The following DOCK8 variants were observed in gnomAD, a reference collection of about 807,000 sequenced individuals.
DOCK8 encodes the protein dedicator of cytokinesis 8.
A neutral mutation model predicts 245.6 loss-of-function variants in DOCK8; 141 were observed. The ratio of observed to expected loss-of-function variants is 0.57; its 90% CI spans 0.50 to 0.66. DOCK8 has a LOEUF of 0.66. Ranked by LOEUF, DOCK8 falls within the 30% of genes least tolerant of loss-of-function variation. The pLI is 0.00. For missense variants in DOCK8, 2,965 were observed against 2,603.4 expected (o/e 1.14, Z -3.02); for synonymous variants, 1,168 against 970.2 (o/e 1.20, Z -3.79).
At chr9:291,384 C>G (rs1442944967) in intron 4 of DOCK8, among the ~76,000 whole-genome samples, 1 of 152,146 alleles carries the variant, frequency 6.6e-6, no homozygotes, top group Non-Finnish European at 1.5e-5. Context: ...GACAGATAAT[C>G]ATCATGAACA....
intron 9 of DOCK8, 35 bp downstream of exon 9, chr9:328,206 G>A (rs2050851434): frequency 1.3e-6 from 2 of 1,596,688 alleles, no homozygotes; most frequent in African/African-American, 1.3e-5. Flanking sequence ...CCAATCTGAT[G>A]TTTTCATTGC....
chr9:456,713 TAAA>T (rs910684868), intron 46 of DOCK8: 48 of 152,106 alleles, frequency 3.2e-4, no homozygotes, highest in African/African-American at 1.2e-3. Context: ...CCTGCAATAA[TAAA>T]AAACATCTCG....
Position 372,375 on chromosome 9 carries a change from A to G in DOCK8, c.2109+89A>G, listed in dbSNP as rs1397653950. Reference sequence around the variant, plus strand: ...ACTCACTTTCCATTCCCATGTGGCCATGGATGTTCATCATGTTCTCAGAGA... The same window carrying G: ...ACTCACTTTCCATTCCCATGTGGCCGTGGATGTTCATCATGTTCTCAGAGA... On this transcript the variant is annotated intron_variant, in intron 18 of 47. Coordinates refer to ENST00000432829, the MANE Select transcript of DOCK8 (RefSeq NM_203447.4). 1.5e-5 allele frequency: 15 copies of G among 1,020,570 alleles called. No individual in the cohort carries two copies. The African/African-American group carries it at 1.6e-4, about 11-fold the overall frequency. The allele number at this position is 1,020,570 out of a possible 1,614,324, so 63.2% of individuals were successfully genotyped here. A position where few individuals can be genotyped will look rare whatever the true frequency, so the allele number is the denominator to read the frequency against.
At chr9:261,236 TAAAAA>T (rs1200712309) in intron 1 of DOCK8, among the ~76,000 whole-genome samples, 1 of 152,198 alleles carries the variant, frequency 6.6e-6, no homozygotes, top group Non-Finnish European at 1.5e-5. Flanking sequence ...ATGCTCAAAA[TAAAAA>T]TAGAATAGCT....
intron 28 of DOCK8, among the ~76,000 whole-genome samples, chr9:412,570 A>G (rs186059075): frequency 3.3e-4 from 51 of 152,318 alleles, no homozygotes; most frequent in African/African-American, 7.5e-4. Context: ...GCAGTGTTGC[A>G]TGGTATAAGA....
rs774151864 is a variant in DOCK8, at chr9:371,500, C to T, written c.1941C>T (p.Phe647=). ...AKLTVNHHLL[F]TFYHISCQQK... ...TCACAGTAAATCACCACCTCCTGTT[C>T]ACCTTCTACCATATCAGCTGTCAGC... is the stretch of plus-strand genomic sequence containing the variant. The change falls in exon 17 of 48, where the codon TTC becomes TTT. Residue 647 remains phenylalanine (F), a synonymous_variant. Transcript: ENST00000432829. 30 of 1,614,100 alleles carry T rather than the reference C, an allele frequency of 1.9e-5. No homozygotes were observed. The highest frequency in any genetic ancestry group is 2.4e-5 in the Non-Finnish European group (28 of 1,180,032).
intron 1 of DOCK8, among the ~76,000 whole-genome samples, chr9:232,688 G>T (rs1173928972): frequency 1.3e-5 from 2 of 152,166 alleles, no homozygotes; most frequent in Non-Finnish European, 2.9e-5. Context: ...TTGCAAAGAG[G>T]TGTTTATAGT....
At chr9:409,991 T>TGCC (rs1360965647) in intron 28 of DOCK8, among the ~76,000 whole-genome samples, 1 of 152,180 alleles carries the variant, frequency 6.6e-6, no homozygotes, top group East Asian at 1.9e-4. Context: ...TTGTGAATAG[T>TGCC]GCCGCAATAA....
chr9:215,347 G>A (rs1308781708), intron 1 of DOCK8: 5 of 1,601,672 alleles, frequency 3.1e-6, no homozygotes, highest in African/African-American at 2.7e-5. Flanking sequence ...GTCCCAGAAG[G>A]GTGATAGGCG....
At chr9:393,974 A>G (rs531776057) in intron 24 of DOCK8, among the ~76,000 whole-genome samples, 11 of 152,334 alleles carry the variant, frequency 7.2e-5, no homozygotes, top group African/African-American at 2.4e-4. Flanking sequence ...TCAAGAGTAT[A>G]GCAGAGTAAC....
intron 1 of DOCK8, chr9:220,682 A>G: frequency 5.1e-6 from 2 of 388,442 alleles, no homozygotes; most frequent in African/African-American, 2.2e-5. Flanking sequence ...GGAATGTGCT[A>G]CTGCTGTTCC....
At chr9:364,375 G>GT (rs1183766996) in intron 14 of DOCK8, among the ~76,000 whole-genome samples, 1 of 152,184 alleles carries the variant, frequency 6.6e-6, no homozygotes, top group East Asian at 1.9e-4. Flanking sequence ...ACTTGTGCCT[G>GT]TAATTCCAGC....
intron 28 of DOCK8, among the ~76,000 whole-genome samples, chr9:413,718 G>A (rs529052667): frequency 9.9e-5 from 15 of 152,278 alleles, no homozygotes; most frequent in South Asian, 8.3e-4. Flanking sequence ...TGATACCCAC[G>A]AAGATGGATA....
At chr9:289,643 A>G in intron 4 of DOCK8, 62 bp downstream of exon 4, 2 of 1,394,632 alleles carry the variant, frequency 1.4e-6, no homozygotes, top group Non-Finnish European at 2.0e-6. Flanking sequence ...TAGTTTTTAA[A>G]TATTTCTTAA....
At chr9:441,006 T>A (rs2057077987) in intron 40 of DOCK8, among the ~76,000 whole-genome samples, 1 of 152,186 alleles carries the variant, frequency 6.6e-6, no homozygotes, top group Non-Finnish European at 1.5e-5. Flanking sequence ...AGTGCTGGGA[T>A]TACAGGCATG....
intron 1 of DOCK8, among the ~76,000 whole-genome samples, chr9:253,226 C>G (rs2047692127): frequency 6.6e-6 from 1 of 152,148 alleles, no homozygotes; most frequent in African/African-American, 2.4e-5. Context: ...AGGAATATCA[C>G]ACTGTACTAA....
At chr9:261,524 T>G (rs2047917835) in intron 1 of DOCK8, among the ~76,000 whole-genome samples, 1 of 152,210 alleles carries the variant, frequency 6.6e-6, no homozygotes, top group Non-Finnish European at 1.5e-5. Flanking sequence ...TGTTTTATGG[T>G]CGGGGATATG....
chr9:213,685 C>T (rs1375402003), upstream of DOCK8: 1 of 151,552 alleles, frequency 6.6e-6, no homozygotes, highest in African/African-American at 2.4e-5. Context: ...TAGTGGCTAT[C>T]ATATTAAATA....
At chr9:461,923 T>G (rs939180283) in intron 46 of DOCK8, among the ~76,000 whole-genome samples, 4 of 152,036 alleles carry the variant, frequency 2.6e-5, no homozygotes, top group African/African-American at 9.7e-5. Flanking sequence ...TCATTTTCCC[T>G]GTTTATTTGT....
Sources: allele counts gnomAD v4.1 joint callset (sites outside exome capture counted in the v4.1 genomes callset), GRCh38; gene constraint gnomAD v4.1.1; transcripts MANE v1.5; gene names NCBI Gene and HGNC (gene_info 2026-07-23, HGNC 2026-07-21).